SPAG1: variants seen among roughly 807,000 people sequenced by gnomAD.
The protein encoded by SPAG1 is sperm-associated antigen 1.
A neutral mutation model predicts 100.5 loss-of-function variants in SPAG1; 69 were observed. The ratio of observed to expected loss-of-function variants is 0.69; its 90% CI spans 0.57 to 0.84. SPAG1 has a LOEUF of 0.84. SPAG1 is among the 40% of genes least tolerant of loss of function. The probability of loss-of-function intolerance (pLI) is 0.00; values close to 1 mark genes in which losing one functional copy is unlikely to be tolerated. For missense variants in SPAG1, 955 were observed against 1,133.1 expected, an observed-to-expected ratio of 0.84 and a Z score of 2.26; for synonymous variants, 336 against 411.6, an observed-to-expected ratio of 0.82 and a Z score of 2.22.
chr8:100,184,006 A>C lies in SPAG1; in HGVS notation c.539A>C (p.Lys180Thr). 6.5e-7 allele frequency: 1 copy of C among 1,545,912 alleles called. No homozygotes were observed. The highest frequency in any genetic ancestry group is 8.7e-7 in the Non-Finnish European group (1 of 1,149,994). ...CLKIDEDYKE[K>T]TVIDKSHLSK... is the part of the protein sequence containing the mutation. The stretch of plus-strand genomic sequence containing the variant: ...AAAATTGATGAAGATTACAAAGAAA[A>C]GACGGTAATAGACAAGTCACACTTG... The change falls in exon 6 of 19, where the codon AAG (lysine) becomes ACG (threonine). Residue 180 changes from lysine to threonine, a missense_variant. By Grantham distance (78) the Lys-to-Thr change is moderately conservative. Transcript: ENST00000388798.
chr8:100,195,914 C>T (rs1817012743), intron 10 of SPAG1, among the ~76,000 whole-genome samples: 1 of 152,144 alleles, frequency 6.6e-6, no homozygotes, highest in Non-Finnish European at 1.5e-5. Flanking sequence ...TTCCCTCACC[C>T]CAGCTCTTCT....
intron 14 of SPAG1, among the ~76,000 whole-genome samples, chr8:100,230,258 G>A (rs771583777): frequency 1.2e-4 from 18 of 152,216 alleles, no homozygotes; most frequent in Non-Finnish European, 2.2e-4. Context: ...TTTAAGAGGA[G>A]TGTTCACTAT....
intron 10 of SPAG1, among the ~76,000 whole-genome samples, chr8:100,210,018 A>T (rs1342438191): frequency 6.6e-6 from 1 of 152,046 alleles, no homozygotes; most frequent in Non-Finnish European, 1.5e-5. Flanking sequence ...TCAGTCTACA[A>T]CTTTTAGTAC....
At chr8:100,206,647 G>A (rs1817530295) in intron 10 of SPAG1, among the ~76,000 whole-genome samples, 1 of 152,104 alleles carries the variant, frequency 6.6e-6, no homozygotes. Context: ...CTAAGGTGAA[G>A]CAAGATATTC....
At chr8:100,165,577 G>T in intron 2 of SPAG1, 1 of 436,184 alleles carries the variant, frequency 2.3e-6, no homozygotes, top group East Asian at 4.3e-5. Context: ...CCCTTATCCA[G>T]TTTTTAAAGT....
At chr8:100,167,733 G>A (rs1310963963) in intron 3 of SPAG1, among the ~76,000 whole-genome samples, 1 of 152,112 alleles carries the variant, frequency 6.6e-6, no homozygotes, top group Non-Finnish European at 1.5e-5. Context: ...CAACTTTATA[G>A]TGTACATTTC....
intron 16 of SPAG1, 137 bp downstream of exon 16, chr8:100,233,674 C>G: frequency 1.2e-6 from 1 of 825,048 alleles, no homozygotes. Context: ...CTAACCAGTT[C>G]TAAAACCTTG....
intron 12 of SPAG1, among the ~76,000 whole-genome samples, chr8:100,215,686 G>A (rs147010065): frequency 0.048 from 7,261 of 152,214 alleles, 520 homozygotes; most frequent in African/African-American, 0.14. Context: ...CACCATGCCC[G>A]GCTAATTTTT....
At position 100,188,150 on chromosome 8, in the gene SPAG1, C is replaced by T. The variant is rs550985668; in HGVS notation, c.832+900C>T. ...GATTACAGGCGTGAGCTACTGCTCC[C>T]AGCCTGTTTTTGTTTTTTTGAGATA... On this transcript the variant is annotated intron_variant, in intron 8 of 18. Coordinates refer to ENST00000388798, the MANE Select transcript of SPAG1 (RefSeq NM_003114.5). Among the ~76,000 whole-genome samples the T allele has an allele frequency of 1.4e-4, 21 of 149,434 alleles. 1 individual carries two copies. The highest frequency in any genetic ancestry group is 4.7e-4 in the African/African-American group (19 of 40,630).
chr8:100,199,715 G>C (rs1031124650), intron 10 of SPAG1, among the ~76,000 whole-genome samples: 1 of 152,130 alleles, frequency 6.6e-6, no homozygotes, highest in African/African-American at 2.4e-5. Context: ...CCAAAGTGCT[G>C]GGATTACAGA....
rs1027479513 is a variant in SPAG1, at chr8:100,241,221, G to A, written c.*199G>A. ...TTATTAGTTGTAAATATTTTCTTAT[G>A]TACCAGAACCAAATAAGTATATTTA... is the stretch of plus-strand genomic sequence containing the variant. On this transcript the variant is annotated 3_prime_UTR_variant, in exon 19 of 19. Coordinates refer to ENST00000388798, the MANE Select transcript of SPAG1 (RefSeq NM_003114.5). The surrounding 1 kb of genome is among the most constrained non-coding windows in gnomAD (Gnocchi z 5.1). The A allele has an allele frequency of 5.0e-6, 2 of 403,326 alleles. No homozygotes were observed. The highest frequency in any genetic ancestry group is 8.7e-6 in the Non-Finnish European group (2 of 230,252). The allele number at this position is 403,326 out of a possible 1,614,324, so 25.0% of individuals were successfully genotyped here. A position where few individuals can be genotyped will look rare whatever the true frequency, so the allele number is the denominator to read the frequency against.
At chr8:100,163,407 C>CTTTT (rs781486782) in intron 2 of SPAG1, among the ~76,000 whole-genome samples, 1 of 141,514 alleles carries the variant, frequency 7.1e-6, no homozygotes, top group Admixed American at 7.1e-5. Flanking sequence ...TTCTTTCTTT[C>CTTTT]TTTTTTTTTT....
At chr8:100,216,931 CTTTTTTT>C (rs141365826) in intron 12 of SPAG1, among the ~76,000 whole-genome samples, 12 of 84,148 alleles carry the variant, frequency 1.4e-4, no homozygotes, top group Admixed American at 4.7e-4. Context: ...TCCATGAGTT[CTTTTTTT>C]TTTTTTTTTT....
At chr8:100,235,593 C>T (rs545520711) in intron 16 of SPAG1, among the ~76,000 whole-genome samples, 3 of 152,168 alleles carry the variant, frequency 2.0e-5, no homozygotes, top group East Asian at 1.9e-4. Context: ...GTTTTAATTC[C>T]GTGCCCATGA....
chr8:100,213,448 C>G lies in SPAG1; in HGVS notation c.1435+20C>G. 20 of 1,383,586 alleles carry G rather than the reference C, an allele frequency of 1.4e-5. No individual in the cohort carries two copies. Among genetic ancestry groups the G allele is most frequent in the Non-Finnish European group, 1.9e-5 (20 of 1,070,780 alleles). The allele number at this position is 1,383,586 out of a possible 1,614,324, so 85.7% of individuals were successfully genotyped here. ...CAGCAGGTAGGTGCGCCGCGCCCCG[C>G]CGCTTCCTGGGCCCCTCGCGCTGCG... On this transcript the variant is annotated intron_variant, in intron 11 of 18. Coordinates refer to ENST00000388798, the MANE Select transcript of SPAG1 (RefSeq NM_003114.5).
rs1412587818 is a variant in SPAG1 at position 100,213,236 on chromosome 8, G to C, written c.1243G>C (p.Asp415His). 7.4e-7 allele frequency: 1 copy of C among 1,345,176 alleles called. No homozygotes were observed. The highest frequency in any genetic ancestry group is 9.5e-7 in the Non-Finnish European group (1 of 1,050,492). 83.3% of individuals were successfully genotyped at this position (1,345,176 alleles called of 1,614,324 possible). Residue 415 changes from aspartate (D) to histidine (H), a missense_variant, in exon 11 of 19, where the codon GAC becomes CAC. By Grantham distance (81) the Asp-to-His change is moderately conservative. Coordinates refer to ENST00000388798, the MANE Select transcript of SPAG1 (RefSeq NM_003114.5). ...QRGQTPEAGA[D>H]KRSPRRASAA... ...GGGCCAGACCCCGGAGGCCGGCGCGGACAAGCGGAGCCCACGGCGGGCCTC... is the reference window on the plus strand; with the variant it reads ...GGGCCAGACCCCGGAGGCCGGCGCGCACAAGCGGAGCCCACGGCGGGCCTC...
In SPAG1 at chr8:100,184,702, G is replaced by T. The variant is rs749152324; in HGVS notation, c.670G>T (p.Asp224Tyr). 49 of 1,588,416 alleles carry T rather than the reference G, an allele frequency of 3.1e-5. No individual in the cohort carries two copies. The highest frequency in any genetic ancestry group is 4.0e-5 in the Non-Finnish European group (47 of 1,171,920). Residue 224 changes from aspartate (D) to tyrosine (Y), a missense_variant, in exon 7 of 19, where the codon GAT becomes TAT. Asp to Tyr is a radical substitution (Grantham distance 160, BLOSUM62 -3). Coordinates refer to ENST00000388798, the MANE Select transcript of SPAG1 (RefSeq NM_003114.5). Reference sequence around the variant, plus strand: ...AGGAAATGAAGCTTTCAACTCAGGAGATTATGAAGAAGCAGTGATGTATTA... The same window carrying T: ...AGGAAATGAAGCTTTCAACTCAGGATATTATGAAGAAGCAGTGATGTATTA... The part of the protein sequence containing the change: ...EKGNEAFNSG[D>Y]YEEAVMYYTR...
At chr8:100,177,992 G>A in intron 4 of SPAG1, 51 bp downstream of exon 4, 8 of 1,508,520 alleles carry the variant, frequency 5.3e-6, no homozygotes, top group Non-Finnish European at 4.6e-6. Flanking sequence ...GATTGCTGCT[G>A]TTTATTAAGG....
intron 15 of SPAG1, among the ~76,000 whole-genome samples, chr8:100,231,977 T>A (rs201519435): frequency 7.0e-6 from 1 of 143,378 alleles, no homozygotes; most frequent in Non-Finnish European, 1.5e-5. Context: ...AAAAAAAAAA[T>A]ACTGTCTTAG....
Sources: allele counts gnomAD v4.1 joint callset (sites outside exome capture counted in the v4.1 genomes callset), GRCh38; gene constraint gnomAD v4.1.1; non-coding constraint Gnocchi (gnomAD v3.1); transcripts MANE v1.5; gene names NCBI Gene and HGNC (gene_info 2026-07-23, HGNC 2026-07-21).